The following BOLL variants were observed in gnomAD, a reference collection of about 807,000 sequenced individuals.
BOLL encodes boule RNA binding protein.
Under a neutral mutation model 44.4 loss-of-function variants are expected in BOLL, and 23 were observed. That is an observed-to-expected ratio of 0.52 (90% CI 0.37 to 0.73). The LOEUF (loss-of-function observed/expected upper bound fraction) is 0.73. Among genes scored for constraint, BOLL ranks in the 30% least tolerant of loss-of-function variants. The pLI, the probability that BOLL is intolerant of heterozygous loss-of-function variation, is 0.00. For synonymous variants in BOLL, 97 were observed against 110.8 expected (o/e 0.88, Z 0.78); for missense variants, 287 against 338.3 (o/e 0.85, Z 1.19).
rs1383975262 is a variant in BOLL, at chr2:197,728,411, G to C, written c.*144C>G. ...CATCAAATTTAGACAGCTTATAGTG[G>C]AATAACTGAGTATGGTGAGGTATTA... On this transcript the variant is annotated 3_prime_UTR_variant, in exon 11 of 11. Coordinates refer to ENST00000392296, the MANE Select transcript of BOLL (RefSeq NM_033030.6). 1.1e-5 allele frequency: 15 copies of C among 1,305,864 alleles called. No individual in the cohort carries two copies. Among genetic ancestry groups the C allele is most frequent in the Non-Finnish European group, 1.5e-5 (14 of 925,920 alleles). 80.9% of individuals were successfully genotyped at this position (1,305,864 alleles called of 1,614,324 possible).
At chr2:197,738,669 T>C (rs1011512781) in intron 10 of BOLL, among the ~76,000 whole-genome samples, 2 of 152,190 alleles carry the variant, frequency 1.3e-5, no homozygotes, top group African/African-American at 4.8e-5. Flanking sequence ...CTTTGGGATA[T>C]CTTCAATTAA....
chr2:197,771,092 C>G (rs760221546), intron 6 of BOLL, among the ~76,000 whole-genome samples: 1 of 152,020 alleles, frequency 6.6e-6, no homozygotes, highest in African/African-American at 2.4e-5. Context: ...AGACTTGGAA[C>G]CAACCCAAAT....
At position 197,778,805 on chromosome 2, in the gene BOLL, T is replaced by TACACACAC. The variant is rs71964015; in HGVS notation, c.221+162_221+169dup. Among the ~76,000 whole-genome samples the TACACACAC allele has an allele frequency of 4.9e-3, 699 of 143,552 alleles. 9 individuals carry two copies. Among genetic ancestry groups the TACACACAC allele is most frequent in the African/African-American group, 0.017 (658 of 39,600 alleles). 94.2% of individuals were successfully genotyped at this position (143,552 alleles called of 152,430 possible). A position where few individuals can be genotyped will look rare whatever the true frequency, so the allele number is the denominator to read the frequency against. Reference sequence around the variant, plus strand: ...ATTACAGTGTCTCCTCCCTCCAAAATACACACACACACACACACACACACA... The same window carrying TACACACAC: ...ATTACAGTGTCTCCTCCCTCCAAAATACACACACACACACACACACACACACACACACA... On this transcript the variant is annotated intron_variant, in intron 3 of 10. Transcript: ENST00000392296.
intron 10 of BOLL, among the ~76,000 whole-genome samples, chr2:197,736,994 C>T (rs1306518024): frequency 6.6e-6 from 1 of 151,972 alleles, no homozygotes; most frequent in East Asian, 1.9e-4. Context: ...TTTGTGACTA[C>T]TGGCCCTTTA....
chr2:197,737,510 A>G (rs1687549059), intron 10 of BOLL, among the ~76,000 whole-genome samples: 1 of 152,096 alleles, frequency 6.6e-6, no homozygotes, highest in Admixed American at 6.6e-5. Flanking sequence ...GTTTGACTAT[A>G]TATAGCATAC....
intron 10 of BOLL, among the ~76,000 whole-genome samples, chr2:197,734,257 A>T (rs1320171192): frequency 6.6e-6 from 1 of 151,884 alleles, no homozygotes; most frequent in Non-Finnish European, 1.5e-5. Flanking sequence ...TCAAAACCAC[A>T]ATGAGATACC....
At chr2:197,756,186 C>A (rs1460290573) in intron 9 of BOLL, among the ~76,000 whole-genome samples, 1 of 151,856 alleles carries the variant, frequency 6.6e-6, no homozygotes, top group East Asian at 1.9e-4. Context: ...TCAAAAAGAT[C>A]AAATCAAAGA....
intron 3 of BOLL, 48 bp downstream of exon 3, chr2:197,778,927 A>G (rs72918816): frequency 0.14 from 214,871 of 1,495,426 alleles, 17,783 homozygotes; most frequent in Middle Eastern, 0.23. Flanking sequence ...TAGTCATCCA[A>G]TGAAAATAGA....
chr2:197,734,731 T>G (rs911790212), intron 10 of BOLL, among the ~76,000 whole-genome samples: 1 of 152,082 alleles, frequency 6.6e-6, no homozygotes, highest in South Asian at 2.1e-4. Flanking sequence ...ACACCGCATG[T>G]TCTCACTCAT....
chr2:197,751,666 CA>C, intron 9 of BOLL, among the ~76,000 whole-genome samples: 1 of 152,044 alleles, frequency 6.6e-6, no homozygotes, highest in African/African-American at 2.4e-5. Context: ...GCCTACTAAA[CA>C]AAAAAAGTCC....
At chr2:197,749,595 G>A (rs2106337588) in intron 9 of BOLL, among the ~76,000 whole-genome samples, 1 of 151,864 alleles carries the variant, frequency 6.6e-6, no homozygotes, top group African/African-American at 2.4e-5. Flanking sequence ...GCATACACAA[G>A]TATCAATAGC....
At chr2:197,782,214 C>T (rs1689822354) in intron 1 of BOLL, among the ~76,000 whole-genome samples, 1 of 152,188 alleles carries the variant, frequency 6.6e-6, no homozygotes, top group South Asian at 2.1e-4. Context: ...CAATCAACTA[C>T]ACCCTGGTGT....
chr2:197,768,562 G>T (rs921086222), intron 6 of BOLL, among the ~76,000 whole-genome samples: 3 of 151,634 alleles, frequency 2.0e-5, no homozygotes, highest in Admixed American at 2.0e-4. Context: ...GAAACTTAGT[G>T]TTTGGCAGAG....
At chr2:197,784,858 A>C (rs750969813) in intron 1 of BOLL, 198 bp downstream of exon 1, 120 of 987,518 alleles carry the variant, frequency 1.2e-4, no homozygotes, top group Admixed American at 7.4e-4. Context: ...ATAATTCCGC[A>C]TGTGTTACGG....
chr2:197,730,768 G>C (rs1193210468), intron 10 of BOLL, among the ~76,000 whole-genome samples: 1 of 152,058 alleles, frequency 6.6e-6, no homozygotes, highest in South Asian at 2.1e-4. Flanking sequence ...AATGCTGAGA[G>C]ATTTTGTCAC....
chr2:197,780,182 T>C (rs1285246228), intron 2 of BOLL, among the ~76,000 whole-genome samples: 2 of 152,174 alleles, frequency 1.3e-5, no homozygotes, highest in Non-Finnish European at 2.9e-5. Context: ...TCCACTTCTT[T>C]AGTGACAAAG....
intron 9 of BOLL, among the ~76,000 whole-genome samples, chr2:197,746,853 T>A (rs542392357): frequency 7.1e-6 from 1 of 140,296 alleles, no homozygotes; most frequent in South Asian, 2.3e-4. Context: ...TGAGCCGAGA[T>A]CATGCCACTG....
At chr2:197,741,541 G>A (rs1324582511) in intron 10 of BOLL, among the ~76,000 whole-genome samples, 11 of 152,160 alleles carry the variant, frequency 7.2e-5, no homozygotes, top group Admixed American at 7.2e-4. Context: ...TGACAAGCCT[G>A]ACAAAAACAA....
upstream of BOLL, chr2:197,786,036 G>A (rs1057352678): frequency 2.5e-6 from 4 of 1,607,754 alleles, no homozygotes; most frequent in Admixed American, 5.0e-5. The surrounding 1 kb of genome is among the most constrained non-coding windows in gnomAD (Gnocchi z 5.9). Context: ...CGCGGGGTAG[G>A]GAAAAGAAGC....
Sources: gnomAD v4.1 joint callset for allele counts (sites outside exome capture counted in the v4.1 genomes callset) on GRCh38, gnomAD v4.1.1 for gene constraint, Gnocchi (gnomAD v3.1) non-coding constraint, MANE v1.5 for transcripts, NCBI Gene and HGNC (gene_info 2026-07-23, HGNC 2026-07-21) for gene names.